The following PRRC2B variants were observed in gnomAD, a reference collection of about 807,000 sequenced individuals.
PRRC2B encodes the protein proline rich coiled-coil 2B.
In PRRC2B, 68 loss-of-function variants were observed where a neutral mutation model predicts 242.3. The observed-to-expected ratio is 0.28, with a 90% CI of 0.23 to 0.34. The LOEUF is 0.34. Ranked by LOEUF, PRRC2B falls within the 10% of genes least tolerant of loss-of-function variation. The pLI is 1.00. For synonymous variants in PRRC2B, 1,228 were observed against 1,173.6 expected (o/e 1.05, Z -0.95); for missense variants, 2,835 against 2,954.8 (o/e 0.96, Z 0.94).
At chr9:131,403,344 TTTTATTTA>T (rs1230693068) in intron 1 of PRRC2B, among the ~76,000 whole-genome samples, 1 of 150,052 alleles carries the variant, frequency 6.7e-6, no homozygotes, top group Non-Finnish European at 1.5e-5. Context: ...ATACAGGTTA[TTTTATTTA>T]TTTATTTATT....
chr9:131,479,841 G>T (rs1267496838), intron 19 of PRRC2B, among the ~76,000 whole-genome samples: 1 of 152,092 alleles, frequency 6.6e-6, no homozygotes, highest in African/African-American at 2.4e-5. Flanking sequence ...ACCCCTCCCT[G>T]AATGCTCTTC....
At chr9:131,457,626 A>ATT (rs1251631213) in intron 10 of PRRC2B, among the ~76,000 whole-genome samples, 3 of 151,290 alleles carry the variant, frequency 2.0e-5, no homozygotes, top group Admixed American at 6.6e-5. Flanking sequence ...TCCTCTTTTC[A>ATT]TTTTCTCTGG....
intron 12 of PRRC2B, among the ~76,000 whole-genome samples, chr9:131,467,210 C>T (rs1025463201): frequency 6.6e-5 from 10 of 152,204 alleles, no homozygotes; most frequent in Non-Finnish European, 1.3e-4. Context: ...GCTGGGATTA[C>T]AGGTGTGAGC....
At position 131,491,107 on chromosome 9, in the gene PRRC2B, G is replaced by A. The variant is rs1261824650; in HGVS notation, c.6226-318G>A. The A allele has an allele frequency of 2.3e-5, 7 of 300,210 alleles. No homozygotes were observed. In the South Asian group the frequency reaches 4.1e-4, roughly 18 times the overall value. 18.6% of individuals were successfully genotyped at this position (300,210 alleles called of 1,614,324 possible). Reference sequence around the variant, plus strand: ...AAGGCAGAAAGGGCTGAAGATAGACGCAGCCCTTAGCAGAGATGTGGATGA... The same window carrying A: ...AAGGCAGAAAGGGCTGAAGATAGACACAGCCCTTAGCAGAGATGTGGATGA... On this transcript the variant is annotated intron_variant, in intron 28 of 31. Coordinates refer to ENST00000683519, the MANE Select transcript of PRRC2B (RefSeq NM_013318.4).
At chr9:131,473,823 C>A (rs1943610910) in intron 15 of PRRC2B, 99 bp downstream of exon 15, 1 of 863,242 alleles carries the variant, frequency 1.2e-6, no homozygotes, top group Non-Finnish European at 1.8e-6. Flanking sequence ...GGAGACACTG[C>A]CCACGGGAGA....
intron 29 of PRRC2B, 41 bp from the exon 30 acceptor site, chr9:131,492,128 A>G (rs927688968): frequency 1.6e-5 from 24 of 1,497,912 alleles, no homozygotes; most frequent in Non-Finnish European, 2.2e-5. Flanking sequence ...AGCTGTCTCC[A>G]GGGCCTCAAA....
At chr9:131,395,725 A>C (rs1014480736) in intron 1 of PRRC2B, among the ~76,000 whole-genome samples, 1 of 152,216 alleles carries the variant, frequency 6.6e-6, no homozygotes, top group Non-Finnish European at 1.5e-5. Context: ...AGGCATGGAC[A>C]ATACAGAAGG....
chr9:131,475,573 C>A lies in PRRC2B; in HGVS notation c.3444C>A (p.Arg1148=). The A allele has an allele frequency of 6.2e-7, 1 of 1,612,830 alleles. No homozygotes were observed. The highest frequency in any genetic ancestry group is 1.1e-5 in the South Asian group (1 of 91,060). Residue 1148 remains arginine (R), a synonymous_variant, in exon 16 of 32, where the codon CGC becomes CGA. Transcript: ENST00000683519. ...AGTATGAAGAACTTCCCAAGCGCCGCCGGCAGAGGGGCTCCGAGAACGGGA... is the reference window on the plus strand; with the variant it reads ...AGTATGAAGAACTTCCCAAGCGCCGACGGCAGAGGGGCTCCGAGAACGGGA... ...GSEYEELPKR[R]RQRGSENGNE...
chr9:131,416,455 G>C (rs2131303580), intron 1 of PRRC2B, among the ~76,000 whole-genome samples: 1 of 152,252 alleles, frequency 6.6e-6, no homozygotes, highest in East Asian at 1.9e-4. Context: ...TAGTTTAGCT[G>C]TACAGAAAAG....
intron 6 of PRRC2B, among the ~76,000 whole-genome samples, 173 bp downstream of exon 6, chr9:131,444,501 T>C (rs1201924612): frequency 1.3e-5 from 2 of 152,190 alleles, no homozygotes; most frequent in African/African-American, 4.8e-5. Flanking sequence ...GCCTAGGCCA[T>C]TGGATTGGGC....
chr9:131,457,440 A>G (rs1168373616), intron 10 of PRRC2B, among the ~76,000 whole-genome samples: 1 of 152,208 alleles, frequency 6.6e-6, no homozygotes, highest in African/African-American at 2.4e-5. Context: ...ACTTTGACCA[A>G]GGGCACTTCA....
At chr9:131,403,967 G>T (rs1008894781) in intron 1 of PRRC2B, among the ~76,000 whole-genome samples, 1 of 151,748 alleles carries the variant, frequency 6.6e-6, no homozygotes, top group Non-Finnish European at 1.5e-5. Flanking sequence ...AGGGATGTGG[G>T]GGTGGGTCTC....
rs150303587 is a variant in PRRC2B, at chr9:131,486,624, T to G, written c.5856+442T>G. Reference sequence around the variant, plus strand: ...GCTGCCAAGGGGTGATTTTTGGAAGTCTCCCCTCTAATGCTGGTGCTGGGC... The same window carrying G: ...GCTGCCAAGGGGTGATTTTTGGAAGGCTCCCCTCTAATGCTGGTGCTGGGC... On this transcript the variant is annotated intron_variant, in intron 26 of 31. Transcript: ENST00000683519. 7.0e-4 allele frequency: 578 copies of G among 821,598 alleles called. 11 individuals are homozygous for G. Among genetic ancestry groups the G allele is most frequent in the Non-Finnish European group, 1.2e-4 (83 of 680,516 alleles). The allele number at this position is 821,598 out of a possible 1,614,324, so 50.9% of individuals were successfully genotyped here. A position where few individuals can be genotyped will look rare whatever the true frequency, so the allele number is the denominator to read the frequency against.
At chr9:131,395,916 G>GAGTCCT (rs1451654840) in intron 1 of PRRC2B, among the ~76,000 whole-genome samples, 1 of 152,212 alleles carries the variant, frequency 6.6e-6, no homozygotes, top group African/African-American at 2.4e-5. Flanking sequence ...GACGCCCAAG[G>GAGTCCT]AGTCCTGCCT....
chr9:131,474,073 C>A (rs547759649), intron 15 of PRRC2B, among the ~76,000 whole-genome samples: 1 of 152,304 alleles, frequency 6.6e-6, no homozygotes, highest in South Asian at 2.1e-4. Context: ...CTGCCACCCC[C>A]ATAGCCCCAG....
At position 131,473,559 on chromosome 9, in the gene PRRC2B, G is replaced by A. The variant is rs774966868; in HGVS notation, c.2159G>A (p.Arg720His). ...PQESLNGTGCRSEDQNCVPPL... is the reference protein window; with the variant it reads ...PQESLNGTGCHSEDQNCVPPL... ...GAGTCCCTCAATGGGACAGGCTGTC[G>A]CTCTGAGGATCAGAACTGTGTGCCC... The change falls in exon 15 of 32, where the codon CGC becomes CAC. Residue 720 changes from arginine (R) to histidine (H), a missense_variant. Arg to His is a conservative substitution (Grantham distance 29, BLOSUM62 0). Coordinates refer to ENST00000683519, the MANE Select transcript of PRRC2B (RefSeq NM_013318.4). 2.6e-5 allele frequency: 42 copies of A among 1,610,198 alleles called. No individual in the cohort carries two copies. The highest frequency in any genetic ancestry group is 4.5e-5 in the East Asian group (2 of 44,650).
At chr9:131,469,939 G>A (rs1943494282) in intron 13 of PRRC2B, among the ~76,000 whole-genome samples, 1 of 152,220 alleles carries the variant, frequency 6.6e-6, no homozygotes, top group South Asian at 2.1e-4. Context: ...GCTGCTGTGA[G>A]TGCAACAAAG....
rs939205950 is a variant in PRRC2B, at chr9:131,412,084, G to C, written c.-52+17821G>C. The stretch of plus-strand genomic sequence containing the variant: ...GGACTCTCAGAGTGTGGGGATTACA[G>C]GTGTGAGCCACTGTACCTGGCCTGA... On this transcript the variant is annotated intron_variant, in intron 1 of 31. Transcript: ENST00000683519. Among the ~76,000 whole-genome samples, 7 of 152,240 alleles carry C rather than the reference G, an allele frequency of 4.6e-5. No homozygotes were observed. In the East Asian group the frequency reaches 1.3e-3, roughly 29 times the overall value.
chr9:131,409,132 C>G (rs1417783733), intron 1 of PRRC2B, among the ~76,000 whole-genome samples: 1 of 151,854 alleles, frequency 6.6e-6, no homozygotes, highest in Non-Finnish European at 1.5e-5. Flanking sequence ...AAGCGATTCT[C>G]TTGCCTCAGC....
Sources: allele counts gnomAD v4.1 joint callset (sites outside exome capture counted in the v4.1 genomes callset), GRCh38; gene constraint gnomAD v4.1.1; transcripts MANE v1.5; gene names NCBI Gene and HGNC (gene_info 2026-07-23, HGNC 2026-07-21).